The following MAP2K5 variants were observed in gnomAD, a reference collection of about 807,000 sequenced individuals.
MAP2K5 encodes mitogen-activated protein kinase kinase 5.
MAP2K5 carries 49 observed loss-of-function variants against 83.1 expected under a neutral mutation model. That is an observed-to-expected ratio of 0.59 (90% CI 0.47 to 0.75). The LOEUF (loss-of-function observed/expected upper bound fraction) is 0.75. Ranked by LOEUF, MAP2K5 falls within the 30% of genes least tolerant of loss-of-function variation. The probability of loss-of-function intolerance (pLI) is 0.00; values close to 1 mark genes in which losing one functional copy is unlikely to be tolerated. For missense variants in MAP2K5, 457 were observed against 557.5 expected (o/e 0.82, Z 1.82); for synonymous variants, 202 against 191.8 (o/e 1.05, Z -0.44).
chr15:67,545,541 TGA>T (rs2084372873), intron 1 of MAP2K5, among the ~76,000 whole-genome samples: 1 of 152,216 alleles, frequency 6.6e-6, no homozygotes, highest in African/African-American at 2.4e-5. Flanking sequence ...AAAGATTATG[TGA>T]GATTGTGACT....
intron 13 of MAP2K5, among the ~76,000 whole-genome samples, chr15:67,674,234 A>G (rs1360854571): frequency 1.3e-5 from 2 of 152,162 alleles, no homozygotes; most frequent in South Asian, 2.1e-4. Context: ...TTATGTTGCC[A>G]TGTGTAATGA....
At chr15:67,703,440 A>C in intron 16 of MAP2K5, 32 bp downstream of exon 16, 1 of 1,507,914 alleles carries the variant, frequency 6.6e-7, no homozygotes, top group Non-Finnish European at 9.2e-7. Context: ...GCTTCTGTGC[A>C]TATCTGTACT....
chr15:67,706,897 T>C (rs945398857), intron 16 of MAP2K5, among the ~76,000 whole-genome samples: 2 of 152,080 alleles, frequency 1.3e-5, no homozygotes, highest in Non-Finnish European at 2.9e-5. Context: ...GTAGTGAAGG[T>C]TACAAGAGAA....
rs574367998 is a variant in MAP2K5 at position 67,798,363 on chromosome 15, A to G, written c.1243-8283A>G. ...CACCACAGCCCCCTTTAAACAGGCC[A>G]GTGGCACAATTCTGCCATTCACAAG... is the stretch of plus-strand genomic sequence containing the variant. On this transcript the variant is annotated intron_variant, in intron 21 of 21. Transcript: ENST00000178640. Among the ~76,000 whole-genome samples, 4 of 152,342 alleles carry G rather than the reference A, an allele frequency of 2.6e-5. No homozygotes were observed. In the South Asian group the frequency reaches 6.2e-4, roughly 24 times the overall value.
At chr15:67,761,121 G>A (rs2089941510) in intron 19 of MAP2K5, among the ~76,000 whole-genome samples, 1 of 151,722 alleles carries the variant, frequency 6.6e-6, no homozygotes, top group African/African-American at 2.4e-5. Flanking sequence ...AAGCGTCTGG[G>A]CCCACGAGAT....
chr15:67,771,421 G>A (rs930645430), intron 20 of MAP2K5, among the ~76,000 whole-genome samples: 13 of 152,240 alleles, frequency 8.5e-5, no homozygotes, highest in Admixed American at 3.9e-4. Context: ...AAGTGGATAA[G>A]GCTTCACCTC....
intron 16 of MAP2K5, among the ~76,000 whole-genome samples, chr15:67,707,775 T>C (rs187345940): frequency 2.0e-5 from 3 of 152,288 alleles, no homozygotes; most frequent in African/African-American, 4.8e-5. Flanking sequence ...AGGGAAAAGA[T>C]AGAGGATCTC....
At chr15:67,734,892 C>T (rs1011247964) in intron 17 of MAP2K5, among the ~76,000 whole-genome samples, 1 of 152,034 alleles carries the variant, frequency 6.6e-6, no homozygotes, top group African/African-American at 2.4e-5. Flanking sequence ...CTTTAATTTG[C>T]AAGAGTTTAA....
rs4776973 is a variant in MAP2K5 at position 67,802,476 on chromosome 15, A to T, written c.1243-4170A>T. 1 allele frequency among the ~76,000 whole-genome samples: 152,128 copies of T among 152,336 alleles called. 75,960 individuals are homozygous for T. The highest frequency in any genetic ancestry group is 1 in the Non-Finnish European group (68,040 of 68,040). ...TTCTTTTCCCTTCATTGTGTCTCCAACTTCTGTGGCAAAGTCTGTGGACTA... is the reference window on the plus strand; with the variant it reads ...TTCTTTTCCCTTCATTGTGTCTCCATCTTCTGTGGCAAAGTCTGTGGACTA... On this transcript the variant is annotated intron_variant, in intron 21 of 21. Coordinates refer to ENST00000178640, the MANE Select transcript of MAP2K5 (RefSeq NM_145160.3). The surrounding 1 kb of genome is among the most constrained non-coding windows in gnomAD (Gnocchi z 5.0).
In MAP2K5 at chr15:67,543,410, T is replaced by G. The variant is rs1243988565; in HGVS notation, c.75T>G (p.Asn25Lys). 3 of 1,613,928 alleles carry G rather than the reference T, an allele frequency of 1.9e-6. No homozygotes were observed. The highest frequency in any genetic ancestry group is 2.5e-6 in the Non-Finnish European group (3 of 1,179,998). The change falls in exon 1 of 22, where the codon AAT becomes AAG. Residue 25 changes from asparagine to lysine, a missense_variant. This residue lies in a region of MAP2K5 where 234 missense variants were observed against 243.6 expected (regional missense o/e 0.96). Coordinates refer to ENST00000178640, the MANE Select transcript of MAP2K5 (RefSeq NM_145160.3). The surrounding 1 kb of genome is among the most constrained non-coding windows in gnomAD (Gnocchi z 4.3). The stretch of plus-strand genomic sequence containing the variant: ...TGGTAATTCGCATCAAGATCCCAAA[T>G]AGTGGCGCGGTGGACTGGACAGTGC... Reference protein sequence around the residue: ...QVLVIRIKIPNSGAVDWTVHS... With the variant: ...QVLVIRIKIPKSGAVDWTVHS...
At chr15:67,754,367 G>C (rs897279703) in intron 19 of MAP2K5, among the ~76,000 whole-genome samples, 4 of 152,192 alleles carry the variant, frequency 2.6e-5, no homozygotes, top group African/African-American at 9.7e-5. Flanking sequence ...GAAAAGAGAA[G>C]ACACACTTAA....
chr15:67,624,338 C>CAAAAAAAA (rs755739176), intron 8 of MAP2K5, among the ~76,000 whole-genome samples: 16 of 78,328 alleles, frequency 2.0e-4, no homozygotes, highest in African/African-American at 6.4e-4. Flanking sequence ...GACTCCGTCT[C>CAAAAAAAA]AAAAAAAAAA....
chr15:67,791,372 A>C (rs1182897683), intron 21 of MAP2K5, among the ~76,000 whole-genome samples: 1 of 152,128 alleles, frequency 6.6e-6, no homozygotes, highest in Non-Finnish European at 1.5e-5. Context: ...CCACTTGTGG[A>C]GTGTGGGGAA....
At chr15:67,600,057 T>C (rs1373894469) in intron 7 of MAP2K5, among the ~76,000 whole-genome samples, 1 of 152,202 alleles carries the variant, frequency 6.6e-6, no homozygotes, top group African/African-American at 2.4e-5. Context: ...TTTTCCTTTA[T>C]GTATTATAAT....
rs942262221 is a variant in MAP2K5 at position 67,806,951 on chromosome 15, C to T, written c.*201C>T. 5.1e-6 allele frequency: 8 copies of T among 1,561,376 alleles called. No individual in the cohort carries two copies. The African/African-American group carries it at 9.5e-5, about 18-fold the overall frequency. ...CCCCACCAGGCCATCCCCATACCTT[C>T]TGGTTTGAAGGCGCTGACACTGGCA... On this transcript the variant is annotated 3_prime_UTR_variant, in exon 22 of 22. Transcript: ENST00000178640.
intron 3 of MAP2K5, among the ~76,000 whole-genome samples, chr15:67,569,329 A>G (rs1183540811): frequency 6.6e-6 from 1 of 152,220 alleles, no homozygotes; most frequent in East Asian, 1.9e-4. Flanking sequence ...CAATTTATCC[A>G]AACAACTGAT....
chr15:67,629,711 G>A (rs891695683), intron 8 of MAP2K5, among the ~76,000 whole-genome samples: 2 of 151,980 alleles, frequency 1.3e-5, no homozygotes, highest in Admixed American at 6.6e-5. Context: ...CAGATGAGAG[G>A]AAGAGCCGTC....
At chr15:67,628,622 C>T (rs1281791335) in intron 8 of MAP2K5, 2 of 1,194,328 alleles carry the variant, frequency 1.7e-6, no homozygotes, top group Non-Finnish European at 2.5e-6. Flanking sequence ...GCCTTTATAA[C>T]CTTTGACGAC....
chr15:67,715,612 A>C (rs558582260), intron 16 of MAP2K5, among the ~76,000 whole-genome samples: 1 of 152,326 alleles, frequency 6.6e-6, no homozygotes, highest in African/African-American at 2.4e-5. Context: ...TACTCATATC[A>C]TGTATACACA....
Sources: allele counts gnomAD v4.1 joint callset (sites outside exome capture counted in the v4.1 genomes callset), GRCh38; gene constraint gnomAD v4.1.1; regional missense constraint gnomAD v4.1.1; non-coding constraint Gnocchi (gnomAD v3.1); transcripts MANE v1.5; gene names NCBI Gene and HGNC (gene_info 2026-07-23, HGNC 2026-07-21).